The following GALNT7 variants were observed in gnomAD, a reference collection of about 807,000 sequenced individuals.
GALNT7 encodes the protein polypeptide N-acetylgalactosaminyltransferase 7, also known as N-acetylgalactosaminyltransferase 7.
A neutral mutation model predicts 82.1 loss-of-function variants in GALNT7; 60 were observed. The ratio of observed to expected loss-of-function variants is 0.73; its 90% CI spans 0.59 to 0.91. GALNT7 has a LOEUF of 0.91. GALNT7 is among the 40% of genes least tolerant of loss of function. The probability of loss-of-function intolerance (pLI) is 0.00; values close to 1 mark genes in which losing one functional copy is unlikely to be tolerated. For synonymous variants in GALNT7, 243 were observed against 275.1 expected (o/e 0.88, Z 1.15); for missense variants, 660 against 804.2 (o/e 0.82, Z 2.17).
At chr4:173,233,663 T>C (rs1384344208) in intron 1 of GALNT7, among the ~76,000 whole-genome samples, 1 of 152,314 alleles carries the variant, frequency 6.6e-6, no homozygotes, top group Middle Eastern at 3.4e-3. Context: ...TCTTTCCTAT[T>C]ACATCAGAGG....
intron 1 of GALNT7, among the ~76,000 whole-genome samples, chr4:173,216,474 A>G (rs1448381038): frequency 6.6e-6 from 1 of 151,846 alleles, no homozygotes; most frequent in Non-Finnish European, 1.5e-5. Context: ...AAATCATTTC[A>G]CCTTTCCAAG....
chr4:173,192,896 T>C (rs1732666811), intron 1 of GALNT7, among the ~76,000 whole-genome samples: 1 of 152,166 alleles, frequency 6.6e-6, no homozygotes, highest in Non-Finnish European at 1.5e-5. Context: ...CTGTATTCTC[T>C]CTCCTGGGAT....
chr4:173,169,754 C>G (rs989122345), intron 1 of GALNT7: 1 of 152,024 alleles, frequency 6.6e-6, no homozygotes, highest in Non-Finnish European at 1.5e-5. Context: ...GGGGAAGCCC[C>G]TGCTGTGGCA....
intron 1 of GALNT7, among the ~76,000 whole-genome samples, chr4:173,169,952 T>C (rs1444079797): frequency 1.3e-5 from 2 of 152,070 alleles, no homozygotes; most frequent in Non-Finnish European, 2.9e-5. Flanking sequence ...CGCATTTGTC[T>C]GCCGCCCAGG....
At chr4:173,199,818 TG>T (rs1362573286) in intron 1 of GALNT7, among the ~76,000 whole-genome samples, 1 of 152,190 alleles carries the variant, frequency 6.6e-6, no homozygotes, top group Non-Finnish European at 1.5e-5. Flanking sequence ...AATCAGAATC[TG>T]CAATGAACCA....
chr4:173,247,296 C>T (rs1385150289), intron 1 of GALNT7, among the ~76,000 whole-genome samples: 1 of 151,106 alleles, frequency 6.6e-6, no homozygotes, highest in African/African-American at 2.4e-5. Context: ...AATGAATATC[C>T]TTGTACAAAG....
intron 2 of GALNT7, among the ~76,000 whole-genome samples, chr4:173,272,111 G>C (rs1479108463): frequency 1.3e-5 from 2 of 152,160 alleles, no homozygotes; most frequent in African/African-American, 2.4e-5. Flanking sequence ...CCTTTTACTT[G>C]GTAGTGTTTT....
intron 1 of GALNT7, among the ~76,000 whole-genome samples, chr4:173,198,865 G>A (rs769549926): frequency 2.6e-5 from 4 of 152,096 alleles, no homozygotes; most frequent in Non-Finnish European, 5.9e-5. Flanking sequence ...TGGGTATTCT[G>A]GGTGAGAAGT....
intron 2 of GALNT7, among the ~76,000 whole-genome samples, chr4:173,262,486 G>A (rs545642204): frequency 6.6e-6 from 1 of 152,060 alleles, no homozygotes; most frequent in Admixed American, 6.5e-5. Flanking sequence ...CAGTCTCATT[G>A]GAAAGGCCTT....
At chr4:173,255,657 A>G (rs1735011017) in intron 2 of GALNT7, among the ~76,000 whole-genome samples, 1 of 152,114 alleles carries the variant, frequency 6.6e-6, no homozygotes, top group Non-Finnish European at 1.5e-5. Context: ...ACACCAACAC[A>G]GAGATTAAGG....
intron 8 of GALNT7, among the ~76,000 whole-genome samples, chr4:173,306,643 G>A (rs937576002): frequency 6.6e-6 from 1 of 152,228 alleles, no homozygotes; most frequent in Admixed American, 6.5e-5. Context: ...TGTTAATGTG[G>A]AGTATCACAT....
chr4:173,274,090 T>C (rs567043457), intron 2 of GALNT7, among the ~76,000 whole-genome samples: 17 of 152,302 alleles, frequency 1.1e-4, no homozygotes, highest in African/African-American at 4.1e-4. Flanking sequence ...TGAAATGTTC[T>C]TTTTTTCCTT....
rs780658041 is a variant in GALNT7 at position 173,295,786 on chromosome 4, A to G, written c.908A>G (p.His303Arg). ...LGQVLIYLDA[H>R]CEVAVNWYAP... ...AAGGTTTTGATATACCTTGATGCCCACTGTGAGGTGGCAGTTAACTGGTAT... is the reference window on the plus strand; with the variant it reads ...AAGGTTTTGATATACCTTGATGCCCGCTGTGAGGTGGCAGTTAACTGGTAT... Residue 303 changes from histidine to arginine, a missense_variant, in exon 5 of 12, where the codon CAC becomes CGC. Physicochemically the swap from His to Arg is conservative, Grantham distance 29. Coordinates refer to ENST00000265000, the MANE Select transcript of GALNT7 (RefSeq NM_017423.3). 1.2e-6 allele frequency: 2 copies of G among 1,609,100 alleles called. No individual in the cohort carries two copies. The highest frequency in any genetic ancestry group is 2.7e-5 in the African/African-American group (2 of 74,920).
chr4:173,267,028 C>T (rs1489153271), intron 2 of GALNT7, among the ~76,000 whole-genome samples: 1 of 151,626 alleles, frequency 6.6e-6, no homozygotes, highest in Non-Finnish European at 1.5e-5. Flanking sequence ...AGCAGGTGAC[C>T]ATAGTTAACA....
chr4:173,273,686 C>G (rs1313505388), intron 2 of GALNT7, among the ~76,000 whole-genome samples: 2 of 152,160 alleles, frequency 1.3e-5, no homozygotes, highest in Non-Finnish European at 2.9e-5. Flanking sequence ...CACAGGAGCC[C>G]TTGACCCTCT....
At chr4:173,265,923 G>A (rs1735473194) in intron 2 of GALNT7, among the ~76,000 whole-genome samples, 2 of 151,938 alleles carry the variant, frequency 1.3e-5, no homozygotes, top group African/African-American at 4.8e-5. Context: ...TGGCTTGGAC[G>A]CTTCAAGAAC....
chr4:173,233,784 A>C (rs1480802633), intron 1 of GALNT7, among the ~76,000 whole-genome samples: 1 of 152,066 alleles, frequency 6.6e-6, no homozygotes, highest in East Asian at 1.9e-4. Flanking sequence ...CATGCTTTTT[A>C]ATGTCTCACC....
At chr4:173,278,893 C>T (rs549804228) in intron 2 of GALNT7, among the ~76,000 whole-genome samples, 7 of 152,130 alleles carry the variant, frequency 4.6e-5, no homozygotes, top group South Asian at 4.2e-4. Context: ...AAATTTCTTT[C>T]GAAGCTTAGA....
rs1456809354 is a variant in GALNT7 at position 173,188,720 on chromosome 4, T to C, written c.126+19759T>C. On this transcript the variant is annotated intron_variant, in intron 1 of 11. Coordinates refer to ENST00000265000, the MANE Select transcript of GALNT7 (RefSeq NM_017423.3). ...CATGTTCATGTGCAGCATGGTATCA[T>C]CCAGCTGTGTAAATCTTACCATCCT... 2.6e-5 allele frequency among the ~76,000 whole-genome samples: 4 copies of C among 152,316 alleles called. No individual in the cohort carries two copies. The South Asian group carries it at 6.2e-4, about 24-fold the overall frequency.
Sources: gnomAD v4.1 joint callset for allele counts (sites outside exome capture counted in the v4.1 genomes callset) on GRCh38, gnomAD v4.1.1 for gene constraint, MANE v1.5 for transcripts, NCBI Gene and HGNC (gene_info 2026-07-23, HGNC 2026-07-21) for gene names.